ZNF468: variants seen among roughly 807,000 people sequenced by gnomAD.
The protein encoded by ZNF468 is zinc finger protein ZNF468.
In ZNF468, 8 loss-of-function variants were observed where a neutral mutation model predicts 7.2. The observed-to-expected ratio is 1.11, with a 90% CI of 0.65 to 2.01. ZNF468 has a LOEUF of 2.01. ZNF468 is among the 30% of genes most tolerant of loss of function. The pLI is 0.00. For synonymous variants in ZNF468, 218 were observed against 214.4 expected, an observed-to-expected ratio of 1.02 and a Z score of -0.15; for missense variants, 608 against 626.5, an observed-to-expected ratio of 0.97 and a Z score of 0.31.
intron 2 of ZNF468, chr19:52,854,053 C>T: frequency 6.6e-7 from 1 of 1,505,506 alleles, no homozygotes; most frequent in Non-Finnish European, 8.8e-7. Context: ...TTCCCAGGAC[C>T]TGCCCAGTGC....
Position 52,850,847 on chromosome 19 carries a change from C to A in ZNF468, c.16-1634G>T, listed in dbSNP as rs187488827. ...CCGGGAGGTGGAGCTTGCAGTGAGCCGAGATCGCGCCACTGCACTCCAGCC... is the reference window on the plus strand; with the variant it reads ...CCGGGAGGTGGAGCTTGCAGTGAGCAGAGATCGCGCCACTGCACTCCAGCC... On this transcript the variant is annotated intron_variant, in intron 2 of 3. Coordinates refer to ENST00000595646, the MANE Select transcript of ZNF468 (RefSeq NM_001008801.2). Among the ~76,000 whole-genome samples, 3 of 151,418 alleles carry A rather than the reference C, an allele frequency of 2.0e-5. No homozygotes were observed. In the South Asian group the frequency reaches 6.3e-4, roughly 32 times the overall value.
intron 3 of ZNF468, among the ~76,000 whole-genome samples, chr19:52,847,309 T>C (rs1342858518): frequency 6.6e-6 from 1 of 151,760 alleles, no homozygotes; most frequent in Non-Finnish European, 1.5e-5. Flanking sequence ...CATGCCATTC[T>C]CCATTCTCAG....
chr19:52,847,046 CA>C (rs1324595345), intron 3 of ZNF468, among the ~76,000 whole-genome samples: 1 of 144,482 alleles, frequency 6.9e-6, no homozygotes, highest in African/African-American at 2.6e-5. Flanking sequence ...TAAGTGGGTG[CA>C]AAGAAAGTGT....
chr19:52,855,430 T>C (rs2063428675), intron 1 of ZNF468, among the ~76,000 whole-genome samples: 1 of 152,192 alleles, frequency 6.6e-6, no homozygotes, highest in African/African-American at 2.4e-5. Flanking sequence ...CAAATGTGAC[T>C]GGGGCAGAGG....
At chr19:52,844,687 C>T (rs2063329323) in intron 3 of ZNF468, among the ~76,000 whole-genome samples, 2 of 152,050 alleles carry the variant, frequency 1.3e-5, no homozygotes, top group African/African-American at 2.4e-5. Context: ...TACAGGTGCA[C>T]ACCACCATGC....
At chr19:52,849,312 T>C (rs879030378) in intron 2 of ZNF468, 99 bp from the exon 3 acceptor site, 9 of 1,589,304 alleles carry the variant, frequency 5.7e-6, no homozygotes, top group Non-Finnish European at 7.7e-6. Flanking sequence ...GATTTAACTG[T>C]AGAGAATGTT....
At chr19:52,843,702 C>T (rs1388823650) in intron 3 of ZNF468, among the ~76,000 whole-genome samples, 2 of 151,956 alleles carry the variant, frequency 1.3e-5, no homozygotes, top group African/African-American at 4.8e-5. Flanking sequence ...TAAACAATTC[C>T]CTCTTAAGAA....
intron 2 of ZNF468, among the ~76,000 whole-genome samples, chr19:52,850,854 G>C (rs370093181): frequency 2.0e-5 from 3 of 151,764 alleles, no homozygotes; most frequent in African/African-American, 4.8e-5. Context: ...AGCCGAGATC[G>C]CGCCACTGCA....
chr19:52,855,725 GA>G (rs1435882141), intron 1 of ZNF468, among the ~76,000 whole-genome samples: 2 of 151,374 alleles, frequency 1.3e-5, no homozygotes, highest in East Asian at 3.9e-4. Context: ...GCATCCCACT[GA>G]AAATTCTAAT....
At chr19:52,856,676 T>G (rs1260808354) in intron 1 of ZNF468, among the ~76,000 whole-genome samples, 2 of 143,706 alleles carry the variant, frequency 1.4e-5, no homozygotes, top group Non-Finnish European at 1.6e-5. Flanking sequence ...CCTCCACATT[T>G]CTGCCCCTCT....
At chr19:52,850,275 C>T (rs1339982133) in intron 2 of ZNF468, among the ~76,000 whole-genome samples, 1 of 151,964 alleles carries the variant, frequency 6.6e-6, no homozygotes, top group Non-Finnish European at 1.5e-5. Context: ...TGGAAATGCC[C>T]CATCCTAGAA....
In ZNF468 at chr19:52,840,829, GAA is replaced by G; in HGVS notation, c.1463_1464del (p.Leu488ProfsTer10). ...CACTTGTAAGGTTTCTCTCCAGTATGAAGCCTACGATGGATTATAAGCGATGA... is the reference window on the plus strand; with the variant it reads ...CACTTGTAAGGTTTCTCTCCAGTATGGCCTACGATGGATTATAAGCGATGA... ...QTSSLIIHRR[L>X]HTGEKPYKCN... On this transcript the variant is annotated frameshift_variant, in exon 4 of 4. Coordinates refer to ENST00000595646, the MANE Select transcript of ZNF468 (RefSeq NM_001008801.2). LOFTEE classifies it low-confidence loss of function (END_TRUNC). The G allele has an allele frequency of 1.3e-6, 2 of 1,595,602 alleles. No homozygotes were observed. The highest frequency in any genetic ancestry group is 1.1e-5 in the South Asian group (1 of 87,032).
Position 52,841,114 on chromosome 19 carries a change from G to T in ZNF468, c.1180C>A (p.Arg394Ser), listed in dbSNP as rs199858855. ...KCEECDKVFS[R>S]KSHLERHRRI... ...CTATGTCTTTCAAGGTGTGATTTGC[G>T]ACTGAAAACTTTGTCACACTCTTCA... Residue 394 changes from arginine to serine, a missense_variant, in exon 4 of 4, where the codon CGC (arginine) becomes AGC (serine). Physicochemically the swap from Arg to Ser is moderately radical, Grantham distance 110. Coordinates refer to ENST00000595646, the MANE Select transcript of ZNF468 (RefSeq NM_001008801.2). The T allele has an allele frequency of 1.9e-6, 3 of 1,613,764 alleles. No homozygotes were observed. Among genetic ancestry groups the T allele is most frequent in the South Asian group, 1.1e-5 (1 of 91,058 alleles).
At position 52,854,616 on chromosome 19, in the gene ZNF468, C is replaced by T. The variant is rs754801638; in HGVS notation, c.-73-271G>A. On this transcript the variant is annotated intron_variant, in intron 1 of 3. Coordinates refer to ENST00000595646, the MANE Select transcript of ZNF468 (RefSeq NM_001008801.2). ...AAAAACTTAGCCAGGTATGGTGGTACGCATCTGTGTGTCTGTGGTCCCAGC... is the reference window on the plus strand; with the variant it reads ...AAAAACTTAGCCAGGTATGGTGGTATGCATCTGTGTGTCTGTGGTCCCAGC... 3.3e-5 allele frequency among the ~76,000 whole-genome samples: 5 copies of T among 152,102 alleles called. No homozygotes were observed. The East Asian group carries it at 5.8e-4, about 18-fold the overall frequency.
chr19:52,841,051 C>G lies in ZNF468; in HGVS notation c.1243G>C (p.Glu415Gln). The G allele has an allele frequency of 6.2e-7, 1 of 1,612,982 alleles. No homozygotes were observed. ...TTGCGACTGAAAACTTTGCAACATT[C>G]TTCACATTTGTAAGGTTTCTCTCCA... is the stretch of plus-strand genomic sequence containing the variant. ...HSGEKPYKCE[E>Q]CCKVFSRKSN... The change falls in exon 4 of 4, where the codon GAA becomes CAA. Residue 415 changes from glutamate to glutamine, a missense_variant. Glu to Gln is a conservative substitution (Grantham distance 29). Transcript: ENST00000595646.
In ZNF468 at chr19:52,838,134, G is replaced by T. The variant is rs2063264375; in HGVS notation, c.*2591C>A. On this transcript the variant is annotated 3_prime_UTR_variant, in exon 4 of 4. Coordinates refer to ENST00000595646, the MANE Select transcript of ZNF468 (RefSeq NM_001008801.2). ...CCTTGTACTAGCGAACTGTATTCAAGAGGATATTAAAAGGATTGTAGATAT... is the reference window on the plus strand; with the variant it reads ...CCTTGTACTAGCGAACTGTATTCAATAGGATATTAAAAGGATTGTAGATAT... 1.3e-5 allele frequency: 2 copies of T among 152,112 alleles called. No individual in the cohort carries two copies. Among genetic ancestry groups the T allele is most frequent in the Admixed American group, 1.3e-4 (2 of 15,274 alleles). The allele number at this position is 152,112 out of a possible 1,614,324, so 9.4% of individuals were successfully genotyped here.
chr19:52,843,381 T>G (rs1457475437), intron 3 of ZNF468, among the ~76,000 whole-genome samples: 2 of 152,012 alleles, frequency 1.3e-5, no homozygotes, highest in Admixed American at 6.6e-5. Flanking sequence ...TACAGGCATG[T>G]GCCACCATGC....
chr19:52,840,483 T>G lies in ZNF468; in HGVS notation c.*242A>C. The G allele has an allele frequency of 1.2e-6, 1 of 853,068 alleles. No homozygotes were observed. The highest frequency in any genetic ancestry group is 2.3e-5 in the Admixed American group (1 of 43,388). The allele number at this position is 853,068 out of a possible 1,614,324, so 52.8% of individuals were successfully genotyped here. A position where few individuals can be genotyped will look rare whatever the true frequency, so the allele number is the denominator to read the frequency against. Reference sequence around the variant, plus strand: ...ACAAACCTTACCTCTGTATGGTTTCTCTTCAATGTGAATTTTCTTATGTGT... The same window carrying G: ...ACAAACCTTACCTCTGTATGGTTTCGCTTCAATGTGAATTTTCTTATGTGT... On this transcript the variant is annotated 3_prime_UTR_variant, in exon 4 of 4. Transcript: ENST00000595646.
intron 3 of ZNF468, among the ~76,000 whole-genome samples, chr19:52,843,012 T>C (rs933161249): frequency 2.0e-5 from 3 of 150,528 alleles, no homozygotes; most frequent in African/African-American, 7.3e-5. Flanking sequence ...TCCCAGCTCC[T>C]TGGGAGGCTG....
Sources: gnomAD v4.1 joint callset for allele counts (sites outside exome capture counted in the v4.1 genomes callset) on GRCh38, gnomAD v4.1.1 for gene constraint, MANE v1.5 for transcripts, NCBI Gene and HGNC (gene_info 2026-07-23, HGNC 2026-07-21) for gene names.